Variants in NALCN observed in about 807,000 individuals in gnomAD.
The protein encoded by NALCN is sodium leak channel, non-selective, also known as sodium leak channel NALCN.
NALCN carries 111 observed loss-of-function variants against 225.3 expected under a neutral mutation model. The observed-to-expected ratio is 0.49, with a 90% confidence interval of 0.42 to 0.58. The LOEUF (loss-of-function observed/expected upper bound fraction) is 0.58, where lower values mean the gene tolerates loss of function less well. NALCN is among the 20% of genes least tolerant of loss of function. NALCN has a pLI of 0.00. For missense variants in NALCN, 1,378 were observed against 2,202.4 expected (o/e 0.63, Z 7.49); for synonymous variants, 764 against 769.0 (o/e 0.99, Z 0.11).
In NALCN at chr13:101,353,487, A is replaced by G. The variant is rs552213481; in HGVS notation, c.645-8067T>C. ...ATTCTAATGCTGGATGCTTTGGAAT[A>G]CTAATCCCACCCTGGAAAGCAAGAG... On this transcript the variant is annotated intron_variant, in intron 6 of 43. Coordinates refer to ENST00000251127, the MANE Select transcript of NALCN (RefSeq NM_052867.4). 2.6e-5 allele frequency among the ~76,000 whole-genome samples: 4 copies of G among 152,342 alleles called. No individual in the cohort carries two copies. The East Asian group carries it at 7.7e-4, about 29-fold the overall frequency.
In NALCN at chr13:101,254,651, G is replaced by A. The variant is rs2042166224; in HGVS notation, c.1266+3792C>T. ...TCACGCCTGTAATCCCAGCACTTTG[G>A]GAGGCCGAGGCGGGCGGATCACGAG... On this transcript the variant is annotated intron_variant, in intron 11 of 43. Transcript: ENST00000251127. 1.5e-5 allele frequency among the ~76,000 whole-genome samples: 2 copies of A among 131,730 alleles called. 1 individual carries two copies. The highest frequency in any genetic ancestry group is 3.5e-5 in the Non-Finnish European group (2 of 56,734). 86.4% of individuals were successfully genotyped at this position (131,730 alleles called of 152,430 possible).
chr13:101,085,253 G>A (rs572094547), intron 30 of NALCN, among the ~76,000 whole-genome samples: 10 of 152,066 alleles, frequency 6.6e-5, no homozygotes, highest in African/African-American at 2.4e-4. Context: ...TTTGCTTAGA[G>A]TGTCTTTTGT....
At chr13:101,141,879 A>AAAAC in intron 17 of NALCN, among the ~76,000 whole-genome samples, 1 of 152,290 alleles carries the variant, frequency 6.6e-6, no homozygotes, top group Non-Finnish European at 1.5e-5. Context: ...AAAGGAATAA[A>AAAAC]AAACACTCTA....
intron 11 of NALCN, among the ~76,000 whole-genome samples, chr13:101,247,159 A>C (rs111878973): frequency 0.012 from 1,774 of 152,318 alleles, 34 homozygotes; most frequent in African/African-American, 0.041. Context: ...CATAGTGAAA[A>C]GACAGGGACT....
chr13:101,176,727 G>A (rs1255858772), intron 14 of NALCN, among the ~76,000 whole-genome samples: 1 of 152,204 alleles, frequency 6.6e-6, no homozygotes, highest in Non-Finnish European at 1.5e-5. Context: ...GTGCTTATTA[G>A]AGGGTTGTTT....
intron 15 of NALCN, among the ~76,000 whole-genome samples, chr13:101,175,033 C>T (rs998578676): frequency 1.3e-5 from 2 of 152,146 alleles, no homozygotes; most frequent in Admixed American, 6.6e-5. Flanking sequence ...AACTAGAAGC[C>T]ACACAAAGTA....
chr13:101,229,663 ATATTATTT>A, intron 12 of NALCN, 79 bp from the exon 13 acceptor site: 1 of 1,149,938 alleles, frequency 8.7e-7, no homozygotes, highest in Non-Finnish European at 1.2e-6. Flanking sequence ...TCATACTAAA[ATATTATTT>A]TATAGTGCTT....
At chr13:101,311,525 A>G (rs1323438619) in intron 7 of NALCN, among the ~76,000 whole-genome samples, 1 of 151,110 alleles carries the variant, frequency 6.6e-6, no homozygotes, top group East Asian at 1.9e-4. Context: ...TTATTTTGAG[A>G]TACGTCCCAT....
chr13:101,354,902 A>C (rs987046627), intron 6 of NALCN, among the ~76,000 whole-genome samples: 1 of 152,158 alleles, frequency 6.6e-6, no homozygotes, highest in Non-Finnish European at 1.5e-5. Flanking sequence ...AATCTCATCG[A>C]AGTATACTCC....
chr13:101,117,060 T>C (rs1173008553), intron 18 of NALCN: 7 of 465,060 alleles, frequency 1.5e-5, no homozygotes, highest in African/African-American at 4.0e-5. Flanking sequence ...CACTCCTTTG[T>C]GAGTCAGCCC....
chr13:101,191,544 AG>A (rs1489159009), intron 14 of NALCN, among the ~76,000 whole-genome samples: 1 of 152,194 alleles, frequency 6.6e-6, no homozygotes, highest in African/African-American at 2.4e-5. Context: ...AAGAGGATGC[AG>A]TGAAACTGAA....
At chr13:101,250,541 G>A (rs574107311) in intron 11 of NALCN, among the ~76,000 whole-genome samples, 2 of 151,994 alleles carry the variant, frequency 1.3e-5, no homozygotes, top group East Asian at 1.9e-4. Context: ...ATGAATCTTC[G>A]AAGGACAATT....
At chr13:101,298,124 C>T (rs983537626) in intron 7 of NALCN, among the ~76,000 whole-genome samples, 10 of 152,146 alleles carry the variant, frequency 6.6e-5, no homozygotes, top group Non-Finnish European at 1.5e-4. Flanking sequence ...TCCTAAACTC[C>T]AAATAGATAC....
chr13:101,122,965 A>T (rs1332937974), intron 18 of NALCN, among the ~76,000 whole-genome samples: 3 of 152,230 alleles, frequency 2.0e-5, no homozygotes, highest in Non-Finnish European at 2.9e-5. Flanking sequence ...TTGGCAACCC[A>T]GAGGATTTTA....
At chr13:101,221,417 A>G (rs569389866) in intron 13 of NALCN, among the ~76,000 whole-genome samples, 47 of 152,122 alleles carry the variant, frequency 3.1e-4, no homozygotes, top group African/African-American at 1.0e-3. Flanking sequence ...CACCTGGCCA[A>G]AGACACCTTT....
intron 7 of NALCN, among the ~76,000 whole-genome samples, chr13:101,331,296 A>C (rs1050648374): frequency 5.9e-5 from 9 of 152,242 alleles, no homozygotes; most frequent in African/African-American, 2.2e-4. Flanking sequence ...GATGAAGAAA[A>C]GATTAGAAAG....
intron 40 of NALCN, 55 bp downstream of exon 40, chr13:101,065,349 G>A (rs1594125912): frequency 6.3e-7 from 1 of 1,589,322 alleles, no homozygotes; most frequent in East Asian, 2.2e-5. Context: ...GGCCTTGAAG[G>A]CTGACAGCTG....
At chr13:101,224,760 T>G (rs2041073051) in intron 13 of NALCN, among the ~76,000 whole-genome samples, 1 of 151,994 alleles carries the variant, frequency 6.6e-6, no homozygotes, top group South Asian at 2.1e-4. Context: ...CTATTACAAC[T>G]CTCTACAATG....
intron 15 of NALCN, among the ~76,000 whole-genome samples, chr13:101,160,117 A>G (rs370232784): frequency 1.8e-4 from 27 of 151,852 alleles, no homozygotes; most frequent in South Asian, 1.3e-3. Context: ...ACCATGCCTG[A>G]CTAATTTTTT....
Sources: gnomAD v4.1 joint callset for allele counts (sites outside exome capture counted in the v4.1 genomes callset) on GRCh38, gnomAD v4.1.1 for gene constraint, MANE v1.5 for transcripts, NCBI Gene and HGNC (gene_info 2026-07-23, HGNC 2026-07-21) for gene names.